The following SLC35F1 variants were observed in gnomAD, a reference collection of about 807,000 sequenced individuals.
The protein encoded by SLC35F1 is solute carrier family 35 member F1.
Under a neutral mutation model 48.7 loss-of-function variants are expected in SLC35F1, and 14 were observed. The ratio of observed to expected loss-of-function variants is 0.29; its 90% CI spans 0.19 to 0.45. The LOEUF is 0.45. Ranked by LOEUF, SLC35F1 falls within the 20% of genes least tolerant of loss-of-function variation. SLC35F1 has a pLI of 1.00. For missense variants in SLC35F1, 404 were observed against 500.0 expected (o/e 0.81, Z 1.83); for synonymous variants, 190 against 202.2 (o/e 0.94, Z 0.51).
chr6:118,119,761 T>C (rs557616223), intron 1 of SLC35F1, among the ~76,000 whole-genome samples: 1 of 152,162 alleles, frequency 6.6e-6, no homozygotes, highest in East Asian at 1.9e-4. Flanking sequence ...AATAACACAT[T>C]TGGTACTTCT....
rs555833475 is a variant in SLC35F1, at chr6:118,143,160, T to C, written c.174-11285T>C. ...AGTGACAAAATAATGAAATTTGACA[T>C]GGGTTTTTATTTTAAGAGAAAGTGA... On this transcript the variant is annotated intron_variant, in intron 1 of 7. Coordinates refer to ENST00000360388, the MANE Select transcript of SLC35F1 (RefSeq NM_001029858.4). 1.8e-4 allele frequency among the ~76,000 whole-genome samples: 28 copies of C among 152,306 alleles called. 1 individual carries two copies. The highest frequency in any genetic ancestry group is 1.8e-3 in the Admixed American group (27 of 15,292).
intron 1 of SLC35F1, among the ~76,000 whole-genome samples, chr6:117,987,838 T>A (rs1007950273): frequency 1.3e-5 from 2 of 152,216 alleles, no homozygotes; most frequent in African/African-American, 4.8e-5. Context: ...ATGTGTTTTT[T>A]AAATAACTGA....
rs539755957 is a variant in SLC35F1, at chr6:117,934,741, C to T, written c.173+26842C>T. On this transcript the variant is annotated intron_variant, in intron 1 of 7. Coordinates refer to ENST00000360388, the MANE Select transcript of SLC35F1 (RefSeq NM_001029858.4). Reference sequence around the variant, plus strand: ...TACAAAACAAATGTCAAGATATGAACATTTTTAATGTTTTACTCAACGGTA... The same window carrying T: ...TACAAAACAAATGTCAAGATATGAATATTTTTAATGTTTTACTCAACGGTA... Among the ~76,000 whole-genome samples the T allele has an allele frequency of 7.2e-5, 11 of 152,186 alleles. No individual in the cohort carries two copies. In the South Asian group the frequency reaches 2.3e-3, roughly 32 times the overall value.
chr6:118,149,598 A>G (rs540664754), intron 1 of SLC35F1, among the ~76,000 whole-genome samples: 1 of 152,306 alleles, frequency 6.6e-6, no homozygotes, highest in East Asian at 1.9e-4. Flanking sequence ...GCAGTAGGAA[A>G]AAGACTCATG....
At chr6:118,297,710 G>A (rs1385876848) in intron 7 of SLC35F1, among the ~76,000 whole-genome samples, 1 of 135,162 alleles carries the variant, frequency 7.4e-6, no homozygotes, top group East Asian at 2.0e-4. Context: ...TAAGTTCTGA[G>A]AAATATATAT....
intron 2 of SLC35F1, among the ~76,000 whole-genome samples, chr6:118,156,039 G>A (rs1039541610): frequency 2.6e-5 from 4 of 152,088 alleles, no homozygotes; most frequent in African/African-American, 4.8e-5. Context: ...AAGTATTGTA[G>A]AAGCTAATTT....
chr6:117,964,404 T>G (rs1431282249), intron 1 of SLC35F1, among the ~76,000 whole-genome samples: 1 of 152,230 alleles, frequency 6.6e-6, no homozygotes, highest in Admixed American at 6.5e-5. Context: ...TAGTGCAGAC[T>G]CCACTAGTGA....
At chr6:118,200,409 T>C (rs1037341045) in intron 2 of SLC35F1, among the ~76,000 whole-genome samples, 2 of 152,182 alleles carry the variant, frequency 1.3e-5, no homozygotes, top group African/African-American at 4.8e-5. Flanking sequence ...GGGAGGATTC[T>C]GGCTACACCA....
chr6:118,027,202 T>C (rs914683542), intron 1 of SLC35F1, among the ~76,000 whole-genome samples: 6 of 152,310 alleles, frequency 3.9e-5, no homozygotes, highest in African/African-American at 1.4e-4. Context: ...GTGATGGACA[T>C]TTGGAATGTT....
intron 1 of SLC35F1, among the ~76,000 whole-genome samples, chr6:117,969,540 A>G (rs1349321197): frequency 1.3e-5 from 2 of 152,184 alleles, no homozygotes; most frequent in Non-Finnish European, 2.9e-5. Flanking sequence ...CAGGCAACAT[A>G]GTGAGACTTC....
intron 3 of SLC35F1, among the ~76,000 whole-genome samples, chr6:118,237,095 ACT>A (rs1472796191): frequency 1.3e-5 from 2 of 151,920 alleles, no homozygotes; most frequent in Non-Finnish European, 2.9e-5. Flanking sequence ...GGATACTCAT[ACT>A]CTCTATTCTC....
chr6:118,311,830 A>G (rs1454946693), intron 7 of SLC35F1, among the ~76,000 whole-genome samples: 1 of 152,186 alleles, frequency 6.6e-6, no homozygotes, highest in Non-Finnish European at 1.5e-5. Flanking sequence ...ATCAATGACT[A>G]TATCAGATTA....
intron 1 of SLC35F1, among the ~76,000 whole-genome samples, chr6:118,059,266 G>A (rs7762154): frequency 0.55 from 84,031 of 152,040 alleles, 23,755 homozygotes; most frequent in East Asian, 0.83. Context: ...GTCAACTACA[G>A]CTTCCCACTG....
chr6:118,082,340 T>C (rs531609104), intron 1 of SLC35F1, among the ~76,000 whole-genome samples: 48 of 152,312 alleles, frequency 3.2e-4, no homozygotes, highest in Non-Finnish European at 3.4e-4. Context: ...TATATACTTA[T>C]TATAAGATAC....
chr6:118,240,948 C>T (rs543154661), intron 3 of SLC35F1, among the ~76,000 whole-genome samples: 1 of 152,270 alleles, frequency 6.6e-6, no homozygotes, highest in Admixed American at 6.5e-5. Context: ...GGTCTTTAGG[C>T]TAGTACCACC....
chr6:118,297,664 T>A (rs1343304250), intron 7 of SLC35F1, among the ~76,000 whole-genome samples: 3 of 111,348 alleles, frequency 2.7e-5, no homozygotes, highest in South Asian at 2.7e-4. Context: ...ATATATATAA[T>A]ATTATATAAG....
intron 3 of SLC35F1, among the ~76,000 whole-genome samples, chr6:118,254,763 A>G (rs938870690): frequency 6.6e-6 from 1 of 152,112 alleles, no homozygotes; most frequent in African/African-American, 2.4e-5. Context: ...TTCCTTCAAT[A>G]TGTGCTTTGA....
At chr6:118,109,086 C>A in intron 1 of SLC35F1, among the ~76,000 whole-genome samples, 1 of 151,976 alleles carries the variant, frequency 6.6e-6, no homozygotes, top group East Asian at 1.9e-4. Context: ...ACAACTTTTG[C>A]CTTATTAGGG....
intron 3 of SLC35F1, among the ~76,000 whole-genome samples, chr6:118,241,581 G>A (rs1048538952): frequency 3.4e-3 from 6 of 1,780 alleles, no homozygotes; most frequent in Admixed American, 0.015. Context: ...TTACCTTCGT[G>A]TGTGTGTGTG....
Sources: gnomAD v4.1 joint callset for allele counts (sites outside exome capture counted in the v4.1 genomes callset) on GRCh38, gnomAD v4.1.1 for gene constraint, MANE v1.5 for transcripts, NCBI Gene and HGNC (gene_info 2026-07-23, HGNC 2026-07-21) for gene names.